The following ERC1 variants were observed in gnomAD, a reference collection of about 807,000 sequenced individuals.
ERC1 encodes the protein RAB6 interacting protein 2.
A neutral mutation model predicts 132.0 loss-of-function variants in ERC1; 56 were observed. The observed-to-expected ratio is 0.42, with a 90% CI of 0.34 to 0.53. The LOEUF (loss-of-function observed/expected upper bound fraction) is 0.53. Ranked by LOEUF, ERC1 falls within the 20% of genes least tolerant of loss-of-function variation. The pLI, the probability that ERC1 is intolerant of heterozygous loss-of-function variation, is 0.03. For missense variants in ERC1, 1,202 were observed against 1,349.9 expected (o/e 0.89, Z 1.72); for synonymous variants, 478 against 476.1 (o/e 1.00, Z -0.05).
chr12:1,459,258 CATT>C (rs1367685053), intron 18 of ERC1, among the ~76,000 whole-genome samples: 2 of 152,230 alleles, frequency 1.3e-5, no homozygotes, highest in African/African-American at 4.8e-5. Context: ...TGAACTTTGA[CATT>C]ATGATATTGC....
chr12:1,278,618 C>G (rs906074166), intron 14 of ERC1, among the ~76,000 whole-genome samples: 18 of 152,152 alleles, frequency 1.2e-4, no homozygotes, highest in Non-Finnish European at 2.4e-4. Flanking sequence ...CAACACAAAT[C>G]TTTAATCATA....
At chr12:1,183,223 A>T in intron 10 of ERC1, 58 bp from the exon 11 acceptor site, 1 of 1,236,280 alleles carries the variant, frequency 8.1e-7, no homozygotes, top group Non-Finnish European at 1.1e-6. Flanking sequence ...AAATTTAAAA[A>T]TTTAAACCTC....
chr12:1,446,890 C>T (rs2093317466), intron 18 of ERC1, among the ~76,000 whole-genome samples: 1 of 152,074 alleles, frequency 6.6e-6, no homozygotes, highest in Non-Finnish European at 1.5e-5. Flanking sequence ...TGCTGTGGCT[C>T]ACACCTGTAG....
At chr12:1,017,930 C>A (rs1965779691) in intron 1 of ERC1, among the ~76,000 whole-genome samples, 1 of 152,114 alleles carries the variant, frequency 6.6e-6, no homozygotes, top group African/African-American at 2.4e-5. Context: ...ACCCATTTGT[C>A]CCCACAGACA....
rs549328599 is a variant in ERC1, at chr12:1,049,994, C to T, written c.669+21422C>T. On this transcript the variant is annotated intron_variant, in intron 2 of 18. Coordinates refer to ENST00000360905, the MANE Select transcript of ERC1 (RefSeq NM_178040.4). ...CTGACCTCAGGTGATCCGCCCGCCT[C>T]GGCCTCCCAAAGTGCTGGGATTACA... 1.6e-4 allele frequency among the ~76,000 whole-genome samples: 25 copies of T among 152,196 alleles called. 1 individual carries two copies. The East Asian group carries it at 1.9e-3, about 12-fold the overall frequency.
At chr12:1,289,711 C>G in intron 14 of ERC1, 141 bp from the exon 15 acceptor site, 1 of 621,260 alleles carries the variant, frequency 1.6e-6, no homozygotes, top group South Asian at 2.0e-5. Context: ...ACACACATAA[C>G]TGATCCAGAA....
intron 2 of ERC1, among the ~76,000 whole-genome samples, chr12:1,062,826 C>G (rs1938289732): frequency 6.6e-6 from 1 of 152,156 alleles, no homozygotes; most frequent in Non-Finnish European, 1.5e-5. Flanking sequence ...CGCAATTATT[C>G]TTATATTGGG....
At chr12:1,097,461 T>C (rs1944180363) in intron 3 of ERC1, among the ~76,000 whole-genome samples, 2 of 152,214 alleles carry the variant, frequency 1.3e-5, no homozygotes, top group Non-Finnish European at 2.9e-5. Flanking sequence ...GTGTCTCTAC[T>C]AAATGCCTCT....
intron 12 of ERC1, among the ~76,000 whole-genome samples, chr12:1,224,733 C>T (rs1239811018): frequency 6.6e-6 from 1 of 152,094 alleles, no homozygotes; most frequent in Non-Finnish European, 1.5e-5. Flanking sequence ...GTGATCCCAG[C>T]ACTTTGGGAG....
chr12:1,038,803 T>C (rs1416244937), intron 2 of ERC1, among the ~76,000 whole-genome samples: 3 of 152,118 alleles, frequency 2.0e-5, no homozygotes, highest in Non-Finnish European at 4.4e-5. Flanking sequence ...GCAGAGTGGA[T>C]TGAAGAAAAG....
intron 12 of ERC1, among the ~76,000 whole-genome samples, chr12:1,218,976 A>G (rs941737333): frequency 1.3e-5 from 2 of 151,778 alleles, no homozygotes; most frequent in African/African-American, 4.8e-5. Flanking sequence ...AGGTTCAAGC[A>G]ATTCTCCTGC....
intron 15 of ERC1, among the ~76,000 whole-genome samples, chr12:1,368,205 C>G (rs1253248890): frequency 1.3e-5 from 2 of 151,896 alleles, no homozygotes; most frequent in East Asian, 3.9e-4. Context: ...ATGATTAATT[C>G]CTTTGAGGTT....
chr12:1,490,121 G>T lies in ERC1; in HGVS notation c.3242G>T (p.Arg1081Leu). 6.2e-7 allele frequency: 1 copy of T among 1,614,078 alleles called. No individual in the cohort carries two copies. The highest frequency in any genetic ancestry group is 8.5e-7 in the Non-Finnish European group (1 of 1,179,986). ...CAGGATGAGTTAGAGAAAGGTGAAC[G>T]GGACAATGCAGAACTGCAGGAGTTT... ...QLQDELEKGE[R>L]DNAELQEFAN... is the part of the protein sequence containing the mutation. The change falls in exon 19 of 19, where the codon CGG (arginine) becomes CTG (leucine). Residue 1081 changes from arginine to leucine, a missense_variant. Coordinates refer to ENST00000360905, the MANE Select transcript of ERC1 (RefSeq NM_178040.4).
intron 15 of ERC1, among the ~76,000 whole-genome samples, chr12:1,306,864 T>C (rs1369662496): frequency 1.3e-5 from 2 of 152,154 alleles, no homozygotes; most frequent in African/African-American, 4.8e-5. Context: ...AATTGCAAAG[T>C]TTATGTATAT....
At chr12:1,070,831 A>G (rs145601032) in intron 2 of ERC1, among the ~76,000 whole-genome samples, 126 of 152,270 alleles carry the variant, frequency 8.3e-4, no homozygotes, top group African/African-American at 2.5e-3. Flanking sequence ...ATCATCCCAC[A>G]AAGTTCCCTT....
chr12:1,065,510 G>A (rs1033876137), intron 2 of ERC1, among the ~76,000 whole-genome samples: 1 of 147,108 alleles, frequency 6.8e-6, no homozygotes, highest in Non-Finnish European at 1.5e-5. Context: ...GTGTGTGTGT[G>A]TGTGTGTGTG....
intron 15 of ERC1, among the ~76,000 whole-genome samples, chr12:1,295,889 A>G (rs188428184): frequency 6.6e-6 from 1 of 152,316 alleles, no homozygotes; most frequent in East Asian, 1.9e-4. Context: ...CCATATTTGC[A>G]ATATATCCCA....
At chr12:1,065,652 G>A (rs954561872) in intron 2 of ERC1, among the ~76,000 whole-genome samples, 1 of 151,780 alleles carries the variant, frequency 6.6e-6, no homozygotes, top group Non-Finnish European at 1.5e-5. Context: ...TTGAGGTGTT[G>A]TATTTCCCTT....
At position 1,491,081 on chromosome 12, in the gene ERC1, A is replaced by G. The variant is rs1037089565; in HGVS notation, c.*851A>G. On this transcript the variant is annotated 3_prime_UTR_variant, in exon 19 of 19. Coordinates refer to ENST00000360905, the MANE Select transcript of ERC1 (RefSeq NM_178040.4). ...AACATAGCGTGACCCTGTCTCTACAAAAAATTAAAAAGAGAACATACAAAG... is the reference window on the plus strand; with the variant it reads ...AACATAGCGTGACCCTGTCTCTACAGAAAATTAAAAAGAGAACATACAAAG... 1 of 232,714 alleles carries G rather than the reference A, an allele frequency of 4.3e-6. No individual in the cohort carries two copies. The highest frequency in any genetic ancestry group is 8.5e-6 in the Non-Finnish European group (1 of 117,746). 14.4% of individuals were successfully genotyped at this position (232,714 alleles called of 1,614,324 possible).
Sources: gnomAD v4.1 joint callset for allele counts (sites outside exome capture counted in the v4.1 genomes callset) on GRCh38, gnomAD v4.1.1 for gene constraint, MANE v1.5 for transcripts, NCBI Gene and HGNC (gene_info 2026-07-23, HGNC 2026-07-21) for gene names.